AMPD1: variants seen among roughly 807,000 people sequenced by gnomAD.
AMPD1 encodes the protein AMP deaminase 1.
In AMPD1, 74 loss-of-function variants were observed where a neutral mutation model predicts 82.9. That is an observed-to-expected ratio of 0.89 (90% CI 0.74 to 1.08). The LOEUF (loss-of-function observed/expected upper bound fraction) is 1.08. Among genes scored for constraint, AMPD1 ranks in the 50% least tolerant of loss-of-function variants. The pLI, the probability that AMPD1 is intolerant of heterozygous loss-of-function variation, is 0.00. For missense variants in AMPD1, 881 were observed against 924.5 expected (o/e 0.95, Z 0.61); for synonymous variants, 333 against 320.5 (o/e 1.04, Z -0.42).
intron 5 of AMPD1, among the ~76,000 whole-genome samples, chr1:114,680,702 C>T (rs568443597): frequency 1.3e-5 from 2 of 152,176 alleles, no homozygotes; most frequent in African/African-American, 2.4e-5. Context: ...CGCAGTGGCT[C>T]GTGCCTGTAA....
chr1:114,686,053 A>C (rs1363958656), intron 4 of AMPD1, among the ~76,000 whole-genome samples: 1 of 152,150 alleles, frequency 6.6e-6, no homozygotes, highest in East Asian at 1.9e-4. Flanking sequence ...AGATTTATTA[A>C]TTGACCAACT....
chr1:114,694,672 T>A (rs1338758297), intron 1 of AMPD1, among the ~76,000 whole-genome samples: 1 of 151,926 alleles, frequency 6.6e-6, no homozygotes, highest in African/African-American at 2.4e-5. Flanking sequence ...AGCGAAACCC[T>A]GTCTCTACAG....
At chr1:114,693,648 AT>A (rs1658586924) in intron 1 of AMPD1, among the ~76,000 whole-genome samples, 1 of 152,156 alleles carries the variant, frequency 6.6e-6, no homozygotes, top group African/African-American at 2.4e-5. Context: ...TTCTTTTCTA[AT>A]ATGTCTCTTA....
intron 3 of AMPD1, 34 bp downstream of exon 3, chr1:114,688,527 C>G (rs376561866): frequency 1.7e-5 from 27 of 1,611,116 alleles, no homozygotes; most frequent in Non-Finnish European, 1.8e-5. Flanking sequence ...TCCTTAGGTG[C>G]CAATATACTA....
chr1:114,693,651 T>A (rs1169631490), intron 1 of AMPD1, among the ~76,000 whole-genome samples: 1 of 152,194 alleles, frequency 6.6e-6, no homozygotes, highest in African/African-American at 2.4e-5. Context: ...TTTTCTAATA[T>A]GTCTCTTAAC....
At chr1:114,677,288 C>T in intron 10 of AMPD1, 63 bp downstream of exon 10, 3 of 1,597,142 alleles carry the variant, frequency 1.9e-6, no homozygotes, top group Middle Eastern at 1.7e-4. Flanking sequence ...CTTGTTCATA[C>T]AGGGGACTTG....
chr1:114,675,740 G>A (rs773499936), intron 11 of AMPD1, 47 bp from the exon 12 acceptor site: 5 of 1,613,656 alleles, frequency 3.1e-6, no homozygotes, highest in Non-Finnish European at 4.2e-6. Flanking sequence ...CAACTTCAGG[G>A]TCCCAGTCCT....
rs760486160 is a variant in AMPD1, at chr1:114,680,353, T to C, written c.673A>G (p.Ser225Gly). ...GGAAGTGGCTTAGGCTCATCTTTGC[T>C]GACTGCTGCTTCATTAGGATAGACG... Reference protein sequence around the residue: ...VYVYPNEAAVSKDEPKPLPYP... With the variant: ...VYVYPNEAAVGKDEPKPLPYP... The change falls in exon 6 of 16, where the codon AGC (serine) becomes GGC (glycine). Residue 225 changes from serine to glycine, a missense_variant. Ser to Gly is a moderately conservative substitution (Grantham distance 56, BLOSUM62 0). Around this residue, in one of 2 missense-constraint regions of AMPD1, gnomAD observed 783 missense variants for 786.4 expected, o/e 1.00. Coordinates refer to ENST00000520113, the MANE Select transcript of AMPD1 (RefSeq NM_000036.3). 3.1e-6 allele frequency: 5 copies of C among 1,614,232 alleles called. No homozygotes were observed. The highest frequency in any genetic ancestry group is 4.2e-6 in the Non-Finnish European group (5 of 1,180,040).
intron 3 of AMPD1, among the ~76,000 whole-genome samples, chr1:114,687,391 G>A (rs1570851402): frequency 6.6e-6 from 1 of 152,084 alleles, no homozygotes; most frequent in Non-Finnish European, 1.5e-5. Flanking sequence ...AACTTATAAG[G>A]TATTTAATAT....
Position 114,673,288 on chromosome 1 carries a change from A to G in AMPD1, c.2086-16T>C, listed in dbSNP as rs1381879042. 2 of 1,613,732 alleles carry G rather than the reference A, an allele frequency of 1.2e-6. No individual in the cohort carries two copies. The highest frequency in any genetic ancestry group is 1.7e-6 in the Non-Finnish European group (2 of 1,179,648). ...TTACTTTCTCCTATAAGAGAAAAGG[A>G]TGGCAGAATGATTGTTGTCTCTTTT... On this transcript the variant is annotated splice_polypyrimidine_tract_variant and intron_variant, in intron 15 of 15. Coordinates refer to ENST00000520113, the MANE Select transcript of AMPD1 (RefSeq NM_000036.3).
chr1:114,681,166 T>A (rs1658147251), intron 5 of AMPD1, among the ~76,000 whole-genome samples: 1 of 152,150 alleles, frequency 6.6e-6, no homozygotes, highest in Non-Finnish European at 1.5e-5. Context: ...AAAGTCAAAC[T>A]ACAGTTAAAA....
At chr1:114,675,475 T>G (rs1337662761) in intron 12 of AMPD1, 55 bp downstream of exon 12, 1 of 1,576,966 alleles carries the variant, frequency 6.3e-7, no homozygotes, top group African/African-American at 1.3e-5. Context: ...TGCCAATATA[T>G]GTGGAAAGAG....
rs184420626 is a variant in AMPD1, at chr1:114,676,128, C to T, written c.1389-125G>A. ...AAGACGTGGTATATCTATCCTAGGTCCATGCTCCTCATACATTCTTTTTGG... is the reference window on the plus strand; with the variant it reads ...AAGACGTGGTATATCTATCCTAGGTTCATGCTCCTCATACATTCTTTTTGG... On this transcript the variant is annotated intron_variant, in intron 10 of 15. Transcript: ENST00000520113. 2.8e-4 allele frequency: 313 copies of T among 1,135,262 alleles called. 4 individuals are homozygous for T. The highest frequency in any genetic ancestry group is 1.8e-3 in the South Asian group (140 of 78,114). 70.3% of individuals were successfully genotyped at this position (1,135,262 alleles called of 1,614,324 possible).
At chr1:114,694,661 T>C (rs1356316520) in intron 1 of AMPD1, among the ~76,000 whole-genome samples, 1 of 151,832 alleles carries the variant, frequency 6.6e-6, no homozygotes, top group Non-Finnish European at 1.5e-5. Context: ...CTGGGCAACA[T>C]AGCGAAACCC....
chr1:114,695,071 G>A (rs1658636367), intron 1 of AMPD1, among the ~76,000 whole-genome samples: 1 of 152,032 alleles, frequency 6.6e-6, no homozygotes, highest in Non-Finnish European at 1.5e-5. Context: ...ATACACACAT[G>A]GGTTATTTTT....
At chr1:114,688,944 A>G in intron 2 of AMPD1, 1 of 756,522 alleles carries the variant, frequency 1.3e-6, no homozygotes, top group East Asian at 2.5e-5. Flanking sequence ...GCTCTCAGAA[A>G]CATGGGTCAG....
intron 2 of AMPD1, among the ~76,000 whole-genome samples, chr1:114,689,308 ACTTGGTGATATGCTG>A (rs572641533): frequency 3.9e-4 from 59 of 152,254 alleles, no homozygotes; most frequent in African/African-American, 1.4e-3. Flanking sequence ...AATCCAGACA[ACTTGGTGATATGCTG>A]CTGTATGCAG....
chr1:114,678,137 G>A (rs191957200), intron 8 of AMPD1, 96 bp from the exon 9 acceptor site: 11 of 1,541,612 alleles, frequency 7.1e-6, no homozygotes, highest in East Asian at 2.3e-5. Context: ...GTCTGGTAGT[G>A]GGGGAGGGCA....
At position 114,673,252 on chromosome 1, in the gene AMPD1, G is replaced by A. The variant is rs776996179; in HGVS notation, c.2106C>T (p.Gly702=). 54 of 1,613,890 alleles carry A rather than the reference G, an allele frequency of 3.3e-5. 1 individual carries two copies. The South Asian group carries it at 3.6e-4, about 11-fold the overall frequency. Residue 702 remains glycine, a synonymous_variant, in exon 16 of 16, where the codon GGC becomes GGT. Coordinates refer to ENST00000520113, the MANE Select transcript of AMPD1 (RefSeq NM_000036.3). ...ISHEEKVKFL[G]DNYLEEGPAG... The stretch of plus-strand genomic sequence containing the variant: ...CAGGGCCTTCCTCAAGGTAATTGTC[G>A]CCCAGAAACTTTACTTTCTCCTATA...
Sources: allele counts gnomAD v4.1 joint callset (sites outside exome capture counted in the v4.1 genomes callset), GRCh38; gene constraint gnomAD v4.1.1; regional missense constraint gnomAD v4.1.1; transcripts MANE v1.5; gene names NCBI Gene and HGNC (gene_info 2026-07-23, HGNC 2026-07-21).